The following SMCO2 variants were observed in gnomAD, a reference collection of about 807,000 sequenced individuals.
SMCO2 encodes single-pass membrane and coiled-coil domain-containing protein 2.
A neutral mutation model predicts 29.5 loss-of-function variants in SMCO2; 25 were observed. That is an observed-to-expected ratio of 0.85 (90% CI 0.62 to 1.18). SMCO2 has a LOEUF of 1.18. Ranked by LOEUF, SMCO2 falls within the 50% of genes most tolerant of loss-of-function variation. SMCO2 has a pLI of 0.00. For missense variants in SMCO2, 348 were observed against 344.5 expected (o/e 1.01, Z -0.08); for synonymous variants, 117 against 123.3 (o/e 0.95, Z 0.34).
the SMCO2 span, among the ~76,000 whole-genome samples, chr12:27,437,842 C>T: frequency 1.2e-4 from 19 of 152,220 alleles, no homozygotes; most frequent in African/African-American, 4.6e-4. Flanking sequence ...CCCTCAACAC[C>T]TCAGTCTGTC....
At chr12:27,432,535 A>G in the SMCO2 span, among the ~76,000 whole-genome samples, 59 of 152,220 alleles carry the variant, frequency 3.9e-4, no homozygotes, top group African/African-American at 1.4e-3. Context: ...GGAGACAGAA[A>G]AAAAGAACCA....
intron 4 of SMCO2, among the ~76,000 whole-genome samples, chr12:27,485,388 A>G (rs1949680340): frequency 6.6e-6 from 1 of 151,858 alleles, no homozygotes; most frequent in Non-Finnish European, 1.5e-5. Context: ...CTTTTAAAAT[A>G]ACCTTATCTA....
chr12:27,454,689 T>G, the SMCO2 span, among the ~76,000 whole-genome samples: 1 of 152,230 alleles, frequency 6.6e-6, no homozygotes, highest in African/African-American at 2.4e-5. Flanking sequence ...ACCCGTCATC[T>G]ACATTAGGTA....
chr12:27,471,394 C>T (rs1288905219), intron 2 of SMCO2, among the ~76,000 whole-genome samples: 1 of 151,990 alleles, frequency 6.6e-6, no homozygotes, highest in East Asian at 1.9e-4. Flanking sequence ...TTCCAGGATC[C>T]CTTTCTAAGC....
intron 5 of SMCO2, among the ~76,000 whole-genome samples, chr12:27,491,547 TA>T (rs1421610331): frequency 6.6e-6 from 1 of 152,266 alleles, no homozygotes; most frequent in East Asian, 1.9e-4. Flanking sequence ...ATAAACGTGT[TA>T]AAAAATAGCT....
At chr12:27,479,941 C>T (rs416855) in intron 4 of SMCO2, among the ~76,000 whole-genome samples, 18,436 of 152,150 alleles carry the variant, frequency 0.12, 2,132 homozygotes, top group African/African-American at 0.28. Context: ...TCCCACGATA[C>T]GCTGTCTGGA....
chr12:27,437,011 G>C, the SMCO2 span, among the ~76,000 whole-genome samples: 47 of 152,302 alleles, frequency 3.1e-4, 1 homozygote, highest in Admixed American at 2.7e-3. Flanking sequence ...ATGGGATGTG[G>C]TTGGGACTAC....
chr12:27,448,215 T>A, the SMCO2 span, among the ~76,000 whole-genome samples: 2 of 152,186 alleles, frequency 1.3e-5, no homozygotes, highest in African/African-American at 4.8e-5. Context: ...TCCCAGAAGT[T>A]GTTACTCATT....
chr12:27,489,089 C>A (rs1032821132), intron 5 of SMCO2, among the ~76,000 whole-genome samples: 1 of 152,076 alleles, frequency 6.6e-6, no homozygotes, highest in Admixed American at 6.5e-5. Context: ...CACTCTGTTG[C>A]CCAGGCTGGA....
chr12:27,474,809 G>C (rs1005259562), exon 4 of SMCO2: 15 of 1,551,632 alleles, frequency 9.7e-6, no homozygotes, highest in Non-Finnish European at 1.1e-5. Flanking sequence ...TAGAGGCTGA[G>C]CATGACCAGG....
At chr12:27,446,055 C>G in the SMCO2 span, among the ~76,000 whole-genome samples, 2 of 152,114 alleles carry the variant, frequency 1.3e-5, no homozygotes, top group Admixed American at 6.6e-5. Flanking sequence ...AGGCACCCAC[C>G]AACACGCCCA....
chr12:27,495,782 G>A, exon 7 of SMCO2: 10 of 1,540,298 alleles, frequency 6.5e-6, no homozygotes, highest in South Asian at 2.4e-5. Context: ...AGATACGGAA[G>A]AGATGGAGGC....
chr12:27,490,011 C>T (rs966936248), intron 5 of SMCO2, among the ~76,000 whole-genome samples: 1 of 152,144 alleles, frequency 6.6e-6, no homozygotes, highest in Admixed American at 6.5e-5. Flanking sequence ...AGGCATCACA[C>T]ACATATACGG....
At chr12:27,465,447 A>G (rs1295368882), upstream of SMCO2, among the ~76,000 whole-genome samples, 2 of 152,234 alleles carry the variant, frequency 1.3e-5, no homozygotes, top group Non-Finnish European at 2.9e-5. Flanking sequence ...ATACTAGCCC[A>G]GCAGGCATTG....
chr12:27,483,063 G>A (rs925319133), intron 4 of SMCO2, among the ~76,000 whole-genome samples: 2 of 152,172 alleles, frequency 1.3e-5, no homozygotes, highest in African/African-American at 4.8e-5. Flanking sequence ...GTTCTATGGC[G>A]CTGAATATGG....
At chr12:27,488,506 G>C in exon 5 of SMCO2, 2 of 1,539,482 alleles carry the variant, frequency 1.3e-6, no homozygotes, top group Non-Finnish European at 1.8e-6. Flanking sequence ...TGAAAAGCTG[G>C]AGGACCGGGG....
intron 7 of SMCO2, 78 bp downstream of exon 8, chr12:27,495,933 C>A: frequency 8.0e-7 from 1 of 1,249,398 alleles, no homozygotes; most frequent in Non-Finnish European, 1.0e-6. Flanking sequence ...TGATTTTTTT[C>A]AAGTGTTGAC....
chr12:27,480,929 C>T (rs746732001), intron 4 of SMCO2, among the ~76,000 whole-genome samples: 8 of 152,170 alleles, frequency 5.3e-5, no homozygotes, highest in Non-Finnish European at 8.8e-5. Context: ...GACTAACACA[C>T]TGTCAGTGGC....
At chr12:27,477,631 A>ATTTTT (rs1592208135) in intron 4 of SMCO2, among the ~76,000 whole-genome samples, 1 of 81,104 alleles carries the variant, frequency 1.2e-5, no homozygotes, top group African/African-American at 7.2e-5. Context: ...ATTCTTTTTC[A>ATTTTT]TTCTTTTTTT....
Sources: allele counts gnomAD v4.1 joint callset (sites outside exome capture counted in the v4.1 genomes callset), GRCh38; gene constraint gnomAD v4.1.1; transcripts MANE v1.5; gene names NCBI Gene and HGNC (gene_info 2026-07-23, HGNC 2026-07-21).